SPRED2: variants seen among roughly 807,000 people sequenced by gnomAD.
SPRED2 encodes sprouty-related, EVH1 domain-containing protein 2.
SPRED2 carries 47 observed loss-of-function variants against 43.0 expected under a neutral mutation model. The ratio of observed to expected loss-of-function variants is 1.09; its 90% CI spans 0.87 to 1.40. SPRED2 has a LOEUF of 1.40. Ranked by LOEUF, SPRED2 falls within the 40% of genes most tolerant of loss-of-function variation. The pLI, the probability that SPRED2 is intolerant of heterozygous loss-of-function variation, is 0.00. For missense variants in SPRED2, 561 were observed against 586.4 expected (o/e 0.96, Z 0.45); for synonymous variants, 225 against 225.7 (o/e 1.00, Z 0.03).
chr2:65,417,697 C>A (rs1352540219), intron 1 of SPRED2, among the ~76,000 whole-genome samples: 1 of 152,182 alleles, frequency 6.6e-6, no homozygotes, highest in African/African-American at 2.4e-5. Context: ...TGATCTAGCC[C>A]AAACTAACTA....
chr2:65,377,560 C>G, intron 1 of SPRED2: 1 of 471,164 alleles, frequency 2.1e-6, no homozygotes, highest in Non-Finnish European at 4.4e-6. Context: ...AACACTGTGG[C>G]AAAGCAATGA....
chr2:65,345,032 T>A, intron 1 of SPRED2, 136 bp from the exon 2 acceptor site: 1 of 753,404 alleles, frequency 1.3e-6, no homozygotes, highest in Non-Finnish European at 2.0e-6. Flanking sequence ...GCGGCAACCT[T>A]AAAAAGTGGT....
intron 1 of SPRED2, among the ~76,000 whole-genome samples, chr2:65,394,739 C>T (rs186385260): frequency 4.1e-4 from 62 of 152,140 alleles, no homozygotes; most frequent in Admixed American, 2.6e-3. Flanking sequence ...TTCTATTTCC[C>T]GGGACACTGA....
At chr2:65,357,741 TC>T (rs1336977140) in intron 1 of SPRED2, among the ~76,000 whole-genome samples, 2 of 152,202 alleles carry the variant, frequency 1.3e-5, no homozygotes, top group Non-Finnish European at 2.9e-5. Flanking sequence ...ATCCTACTCA[TC>T]CTGCTGAAGT....
intron 1 of SPRED2, among the ~76,000 whole-genome samples, chr2:65,363,507 C>T (rs769910257): frequency 1.1e-4 from 17 of 152,172 alleles, no homozygotes; most frequent in Non-Finnish European, 2.5e-4. Flanking sequence ...AGGAATGTTG[C>T]TATTTCTAGA....
Position 65,311,437 on chromosome 2 carries a change from A to C in SPRED2, c.*2064T>G. 1 of 985,902 alleles carries C rather than the reference A, an allele frequency of 1.0e-6. No individual in the cohort carries two copies. Among genetic ancestry groups the C allele is most frequent in the Non-Finnish European group, 1.2e-6 (1 of 829,942 alleles). 61.1% of individuals were successfully genotyped at this position (985,902 alleles called of 1,614,324 possible). A position where few individuals can be genotyped will look rare whatever the true frequency, so the allele number is the denominator to read the frequency against. On this transcript the variant is annotated 3_prime_UTR_variant, in exon 6 of 6. Transcript: ENST00000356388. ...ACTAAATAGAGGTGACAAACAAAAA[A>C]CAGCTGGGATATGTGCGTTCTTATT...
intron 1 of SPRED2, among the ~76,000 whole-genome samples, chr2:65,355,742 G>A (rs1558666076): frequency 2.0e-5 from 3 of 152,170 alleles, no homozygotes. Flanking sequence ...GCTTTACTGA[G>A]TTGAGCCTGA....
chr2:65,333,774 T>C (rs1290175834), intron 3 of SPRED2, among the ~76,000 whole-genome samples: 1 of 152,254 alleles, frequency 6.6e-6, no homozygotes, highest in Non-Finnish European at 1.5e-5. Context: ...TTAAGTAATT[T>C]GTCTTTTAAG....
At chr2:65,397,206 C>T (rs968254809) in intron 1 of SPRED2, among the ~76,000 whole-genome samples, 2 of 152,106 alleles carry the variant, frequency 1.3e-5, no homozygotes, top group African/African-American at 4.8e-5. Context: ...ATCTTGGCAC[C>T]AGGCTTATGC....
chr2:65,327,713 C>CTTTTTTTTTTTT (rs555549300), intron 4 of SPRED2, among the ~76,000 whole-genome samples: 17 of 74,444 alleles, frequency 2.3e-4, no homozygotes, highest in African/African-American at 3.1e-4. Flanking sequence ...TTCTTTCTTT[C>CTTTTTTTTTTTT]TTTTTTTTTT....
chr2:65,347,765 C>T (rs541314701), intron 1 of SPRED2, among the ~76,000 whole-genome samples: 3 of 152,182 alleles, frequency 2.0e-5, no homozygotes, highest in East Asian at 1.9e-4. Context: ...ACATAGGCAT[C>T]GAATACGTAT....
chr2:65,327,895 T>C (rs1185716079), intron 4 of SPRED2, among the ~76,000 whole-genome samples: 1 of 151,796 alleles, frequency 6.6e-6, no homozygotes, highest in Non-Finnish European at 1.5e-5. Flanking sequence ...GGCTAATTTT[T>C]GTATTTTTAG....
chr2:65,364,028 C>G (rs1359688503), intron 1 of SPRED2, among the ~76,000 whole-genome samples: 1 of 152,182 alleles, frequency 6.6e-6, no homozygotes, highest in Non-Finnish European at 1.5e-5. Flanking sequence ...GGTTATGTCA[C>G]TCTACTTGGC....
At chr2:65,428,590 C>G (rs920877691) in intron 1 of SPRED2, among the ~76,000 whole-genome samples, 1 of 152,204 alleles carries the variant, frequency 6.6e-6, no homozygotes, top group African/African-American at 2.4e-5. Context: ...TCTGCAATGT[C>G]TTTGAAATGG....
intron 1 of SPRED2, among the ~76,000 whole-genome samples, chr2:65,426,851 G>A (rs941944745): frequency 1.4e-4 from 21 of 152,356 alleles, no homozygotes. Context: ...GGACAGGAAA[G>A]CAGAGGGGAC....
intron 1 of SPRED2, among the ~76,000 whole-genome samples, chr2:65,416,787 A>G (rs552283385): frequency 2.0e-4 from 31 of 152,076 alleles, no homozygotes; most frequent in Non-Finnish European, 4.3e-4. Context: ...CTCTCCGGAT[A>G]CTGTGTCTTG....
chr2:65,308,944 GGAGTTT>G (rs755754863), downstream of SPRED2, among the ~76,000 whole-genome samples: 1 of 152,120 alleles, frequency 6.6e-6, no homozygotes, highest in East Asian at 1.9e-4. Flanking sequence ...GCTGAGGTCA[GGAGTTT>G]GAGACCAGCC....
chr2:65,355,841 T>C (rs1674630633), intron 1 of SPRED2, among the ~76,000 whole-genome samples: 6 of 152,338 alleles, frequency 3.9e-5, no homozygotes, highest in Admixed American at 3.3e-4. Context: ...TTTCTTCTAC[T>C]TTTTATTCCA....
chr2:65,363,035 G>C (rs890558318), intron 1 of SPRED2, among the ~76,000 whole-genome samples: 4 of 118,038 alleles, frequency 3.4e-5, no homozygotes, highest in African/African-American at 1.6e-4. Context: ...TTTTTGAAAG[G>C]TTTGAGACCA....
Sources: gnomAD v4.1 joint callset for allele counts (sites outside exome capture counted in the v4.1 genomes callset) on GRCh38, gnomAD v4.1.1 for gene constraint, MANE v1.5 for transcripts, NCBI Gene and HGNC (gene_info 2026-07-23, HGNC 2026-07-21) for gene names.